MECOM: variants seen among roughly 807,000 people sequenced by gnomAD.
The protein encoded by MECOM is MDS1 and EVI1 complex locus.
MECOM carries 13 observed loss-of-function variants against 116.3 expected under a neutral mutation model. The ratio of observed to expected loss-of-function variants is 0.11; its 90% CI spans 0.07 to 0.18. The LOEUF (loss-of-function observed/expected upper bound fraction) is 0.18, where lower values mean the gene tolerates loss of function less well. Among genes scored for constraint, MECOM ranks in the 10% least tolerant of loss-of-function variants. The pLI is 1.00. For synonymous variants in MECOM, 528 were observed against 535.2 expected (o/e 0.99, Z 0.19); for missense variants, 1,299 against 1,509.0 (o/e 0.86, Z 2.31).
At chr3:169,531,310 AC>A (rs577332940) in intron 1 of MECOM, among the ~76,000 whole-genome samples, 99 of 152,296 alleles carry the variant, frequency 6.5e-4, no homozygotes, top group Admixed American at 5.6e-3. Flanking sequence ...TCTAGCATAA[AC>A]AAACCAATGC....
At chr3:169,304,476 T>A (rs962457139) in intron 2 of MECOM, among the ~76,000 whole-genome samples, 2 of 152,220 alleles carry the variant, frequency 1.3e-5, no homozygotes, top group Admixed American at 6.5e-5. Context: ...AAGGATCTAA[T>A]GTGAATGGTG....
Position 169,185,258 on chromosome 3 carries a change from A to AC in MECOM, c.376-41427dup, listed in dbSNP as rs200801918. ...TGCTGAAGTGTGGACCCTGGGAAAC[A>AC]CCATTTGAGAACTGTGGAGGGGAGA... On this transcript the variant is annotated intron_variant, in intron 2 of 16. Transcript: ENST00000651503. Among the ~76,000 whole-genome samples, 1,013 of 152,302 alleles carry AC rather than the reference A, an allele frequency of 6.7e-3. 10 individuals are homozygous for AC. The highest frequency in any genetic ancestry group is 0.022 in the African/African-American group (906 of 41,562).
intron 2 of MECOM, among the ~76,000 whole-genome samples, chr3:169,192,537 A>G (rs767203293): frequency 2.3e-4 from 35 of 152,178 alleles, no homozygotes; most frequent in South Asian, 1.7e-3. Flanking sequence ...ACTGAAGAAT[A>G]TGGACATTAT....
At chr3:169,482,171 A>C (rs73174317) in intron 1 of MECOM, among the ~76,000 whole-genome samples, 10,696 of 152,076 alleles carry the variant, frequency 0.07, 649 homozygotes, top group East Asian at 0.25. Flanking sequence ...CAACTAAAAA[A>C]AAGGGGTCTA....
intron 1 of MECOM, among the ~76,000 whole-genome samples, chr3:169,593,293 A>G (rs1338318188): frequency 6.6e-6 from 1 of 152,180 alleles, no homozygotes; most frequent in East Asian, 1.9e-4. Flanking sequence ...ACTCAGGGAA[A>G]TTAATTTTTT....
At chr3:169,149,618 G>T in intron 2 of MECOM, 1 of 457,470 alleles carries the variant, frequency 2.2e-6, no homozygotes, top group East Asian at 6.4e-5. Flanking sequence ...GCGTCCTTCC[G>T]AGCTACGAGA....
chr3:169,492,329 T>C (rs1753202684), intron 1 of MECOM, among the ~76,000 whole-genome samples: 2 of 152,192 alleles, frequency 1.3e-5, no homozygotes, highest in South Asian at 4.1e-4. Context: ...AGAGCAAAAC[T>C]TGTTGAATAA....
At chr3:169,238,554 CA>C (rs1429494928) in intron 2 of MECOM, among the ~76,000 whole-genome samples, 1 of 151,856 alleles carries the variant, frequency 6.6e-6, no homozygotes, top group Admixed American at 6.6e-5. Flanking sequence ...AAAACCAAAC[CA>C]AAAAAACCCC....
intron 1 of MECOM, among the ~76,000 whole-genome samples, chr3:169,596,916 T>G (rs1049246117): frequency 6.6e-6 from 1 of 152,198 alleles, no homozygotes; most frequent in Admixed American, 6.5e-5. Flanking sequence ...CATTTTTTTC[T>G]TATTCAAATA....
chr3:169,457,117 G>A (rs967672876), intron 1 of MECOM, among the ~76,000 whole-genome samples: 2 of 152,070 alleles, frequency 1.3e-5, no homozygotes, highest in Non-Finnish European at 2.9e-5. Flanking sequence ...CTCTACCACT[G>A]TTCTCCACAG....
At chr3:169,424,651 T>G (rs1049040807) in intron 1 of MECOM, among the ~76,000 whole-genome samples, 1 of 152,176 alleles carries the variant, frequency 6.6e-6, no homozygotes, top group African/African-American at 2.4e-5. Flanking sequence ...TGCCTTTATT[T>G]GAGCAAGACA....
At chr3:169,235,404 A>G (rs1753905393) in intron 2 of MECOM, among the ~76,000 whole-genome samples, 1 of 152,114 alleles carries the variant, frequency 6.6e-6, no homozygotes, top group South Asian at 2.1e-4. Context: ...GTCACTTTGT[A>G]TGATCCATAA....
chr3:169,275,790 C>A (rs999326838), intron 2 of MECOM, among the ~76,000 whole-genome samples: 10 of 152,104 alleles, frequency 6.6e-5, no homozygotes, highest in Admixed American at 6.6e-4. Context: ...CAAAAGTACT[C>A]CTGATTCTAA....
At chr3:169,538,452 C>T (rs7651940) in intron 1 of MECOM, among the ~76,000 whole-genome samples, 92,051 of 152,040 alleles carry the variant, frequency 0.61, 29,142 homozygotes, top group East Asian at 0.87. Context: ...TCACTTCTGA[C>T]TGATGACTAA....
Position 169,245,958 on chromosome 3 carries a change from C to G in MECOM, c.376-102126G>C, listed in dbSNP as rs144517277. On this transcript the variant is annotated intron_variant, in intron 2 of 16. Coordinates refer to ENST00000651503, the MANE Select transcript of MECOM (RefSeq NM_004991.4). ...ATCTGGTAGTTCCCAGCTTGTCTGC[C>G]AAGCCTTTTTTTTCCAAATAAAAGT... Among the ~76,000 whole-genome samples the G allele has an allele frequency of 2.4e-3, 368 of 152,256 alleles. 1 individual carries two copies. The highest frequency in any genetic ancestry group is 8.3e-3 in the African/African-American group (344 of 41,526).
intron 2 of MECOM, among the ~76,000 whole-genome samples, chr3:169,303,354 T>TATATAC (rs554371339): frequency 1.1e-3 from 165 of 152,232 alleles, no homozygotes; most frequent in African/African-American, 3.0e-3. Context: ...TATATATATA[T>TATATAC]ATCACACTAC....
intron 1 of MECOM, among the ~76,000 whole-genome samples, chr3:169,533,819 G>A (rs1758985111): frequency 6.6e-6 from 1 of 152,036 alleles, no homozygotes; most frequent in Non-Finnish European, 1.5e-5. Flanking sequence ...CTCTCTCCAA[G>A]TCCCAGAGCA....
At chr3:169,483,475 C>G (rs1000340622) in intron 1 of MECOM, among the ~76,000 whole-genome samples, 2 of 139,242 alleles carry the variant, frequency 1.4e-5, no homozygotes, top group African/African-American at 5.4e-5. Flanking sequence ...GGTATTACCA[C>G]GAGAATTGAA....
chr3:169,587,807 T>C (rs1339759647), intron 1 of MECOM, among the ~76,000 whole-genome samples: 2 of 152,140 alleles, frequency 1.3e-5, no homozygotes, highest in African/African-American at 2.4e-5. Flanking sequence ...CGTCTCCATG[T>C]CTTTTATCTT....
Sources: allele counts gnomAD v4.1 joint callset (sites outside exome capture counted in the v4.1 genomes callset), GRCh38; gene constraint gnomAD v4.1.1; transcripts MANE v1.5; gene names NCBI Gene and HGNC (gene_info 2026-07-23, HGNC 2026-07-21).